The following GFM1 variants were observed in gnomAD, a reference collection of about 807,000 sequenced individuals.
GFM1 encodes the protein elongation factor G, mitochondrial.
GFM1 carries 62 observed loss-of-function variants against 96.2 expected under a neutral mutation model. That is an observed-to-expected ratio of 0.64 (90% CI 0.53 to 0.80). The LOEUF is 0.80. GFM1 is among the 30% of genes least tolerant of loss of function. GFM1 has a pLI of 0.00. For missense variants in GFM1, 852 were observed against 916.6 expected, an observed-to-expected ratio of 0.93 and a Z score of 0.91; for synonymous variants, 282 against 312.9, an observed-to-expected ratio of 0.90 and a Z score of 1.04.
chr3:158,682,194 A>G (rs750066827), intron 14 of GFM1, 37 bp downstream of exon 14: 20 of 1,534,310 alleles, frequency 1.3e-5, no homozygotes, highest in South Asian at 8.1e-5. Flanking sequence ...ATTTTTACTT[A>G]CTAAAAACAG....
intron 15 of GFM1, among the ~76,000 whole-genome samples, chr3:158,688,842 A>G (rs569281632): frequency 3.3e-4 from 51 of 152,330 alleles, no homozygotes; most frequent in Middle Eastern, 6.8e-3. Context: ...GGTGTGAGCT[A>G]GGATATGATT....
At chr3:158,690,546 A>G (rs1378595581) in intron 16 of GFM1, 11 of 542,656 alleles carry the variant, frequency 2.0e-5, no homozygotes, top group East Asian at 9.8e-5. Context: ...TCTTAGATGT[A>G]TATTATCTCT....
intron 13 of GFM1, among the ~76,000 whole-genome samples, chr3:158,680,752 T>A (rs1042034287): frequency 6.6e-6 from 1 of 152,178 alleles, no homozygotes; most frequent in Non-Finnish European, 1.5e-5. Flanking sequence ...ATAAGGTGCT[T>A]AACATAAGCC....
intron 8 of GFM1, among the ~76,000 whole-genome samples, chr3:158,658,662 A>G (rs571156607): frequency 6.6e-6 from 1 of 152,218 alleles, no homozygotes; most frequent in South Asian, 2.1e-4. Flanking sequence ...CAACTTAAAA[A>G]TTTTGTTCTA....
At position 158,645,615 on chromosome 3, in the gene GFM1, C is replaced by T. The variant is rs1242505927; in HGVS notation, c.82-14C>T. 2.5e-6 allele frequency: 4 copies of T among 1,605,716 alleles called. No individual in the cohort carries two copies. Among genetic ancestry groups the T allele is most frequent in the East Asian group, 2.2e-5 (1 of 44,802 alleles). ...TAAAAGGTGCATAGAATTGAGCTCT[C>T]GTATTTTTTTCAGGTTAATTGGAAG... On this transcript the variant is annotated splice_polypyrimidine_tract_variant and intron_variant, in intron 1 of 17. Transcript: ENST00000486715.
chr3:158,654,267 G>A (rs1722557072), intron 7 of GFM1, among the ~76,000 whole-genome samples: 1 of 127,484 alleles, frequency 7.8e-6, no homozygotes, highest in South Asian at 2.6e-4. Flanking sequence ...AGGCTGGAGT[G>A]CAGTGGTGCA....
chr3:158,669,265 A>T, intron 13 of GFM1: 1 of 1,219,722 alleles, frequency 8.2e-7, no homozygotes, highest in Middle Eastern at 2.8e-4. Context: ...CTATGGATCT[A>T]TAAAATTTCT....
Position 158,694,123 on chromosome 3 carries a change from T to C in GFM1, c.*2656T>C, listed in dbSNP as rs1342626906. Among the ~76,000 whole-genome samples the C allele has an allele frequency of 1.3e-5, 2 of 152,070 alleles. No individual in the cohort carries two copies. Among genetic ancestry groups the C allele is most frequent in the African/African-American group, 4.8e-5 (2 of 41,400 alleles). On this transcript the variant is annotated 3_prime_UTR_variant, in exon 18 of 18. Transcript: ENST00000486715. ...TAAATCATTCTATTATAAAGACACA[T>C]GCATGCACACATTCATTGCAGAACT...
chr3:158,660,781 A>G, intron 9 of GFM1, 93 bp from the exon 10 acceptor site: 2 of 1,019,538 alleles, frequency 2.0e-6, no homozygotes, highest in South Asian at 1.3e-5. Context: ...GCTTTTTTAT[A>G]TACAATGTGT....
intron 10 of GFM1, among the ~76,000 whole-genome samples, chr3:158,662,388 T>C (rs1309275414): frequency 6.6e-6 from 1 of 152,228 alleles, no homozygotes; most frequent in Non-Finnish European, 1.5e-5. Flanking sequence ...ATACATTCAT[T>C]AATTTTATTT....
At chr3:158,647,844 T>C (rs1345428647) in intron 4 of GFM1, among the ~76,000 whole-genome samples, 2 of 152,220 alleles carry the variant, frequency 1.3e-5, no homozygotes, top group Non-Finnish European at 2.9e-5. Context: ...GGTTCATTCT[T>C]TTCTCCACTC....
intron 4 of GFM1, 124 bp downstream of exon 4, chr3:158,647,071 A>G (rs900680714): frequency 1.1e-5 from 9 of 791,274 alleles, no homozygotes; most frequent in African/African-American, 1.7e-5. Context: ...AAATATATTT[A>G]TGTGAGTTAG....
In GFM1 at chr3:158,653,366, C is replaced by T. The variant is rs763546447; in HGVS notation, c.897C>T (p.Ser299=). ...CATTTACTCCTGTATTTTTGGGAAG[C>T]GCCTTGAAGAACAAAGGAGTTCAGC... The part of the protein sequence containing the change: ...KRSFTPVFLG[S]ALKNKGVQPL... Residue 299 remains serine (S), a synonymous_variant, in exon 7 of 18, where the codon AGC becomes AGT. Coordinates refer to ENST00000486715, the MANE Select transcript of GFM1 (RefSeq NM_024996.7). The T allele has an allele frequency of 1.1e-5, 18 of 1,613,040 alleles. No homozygotes were observed. Among genetic ancestry groups the T allele is most frequent in the South Asian group, 8.8e-5 (8 of 91,028 alleles).
chr3:158,691,677 G>A lies in GFM1; in HGVS notation c.*210G>A. Reference sequence around the variant, plus strand: ...ATTCTATGTCTATCTCAACTCTATTGATTGGTTTTATAGTTCATTGAAAAT... The same window carrying A: ...ATTCTATGTCTATCTCAACTCTATTAATTGGTTTTATAGTTCATTGAAAAT... On this transcript the variant is annotated 3_prime_UTR_variant, in exon 18 of 18. Coordinates refer to ENST00000486715, the MANE Select transcript of GFM1 (RefSeq NM_024996.7). 2.0e-6 allele frequency: 1 copy of A among 493,716 alleles called. No individual in the cohort carries two copies. The highest frequency in any genetic ancestry group is 3.6e-6 in the Non-Finnish European group (1 of 274,810). The allele number at this position is 493,716 out of a possible 1,614,324, so 30.6% of individuals were successfully genotyped here. A position where few individuals can be genotyped will look rare whatever the true frequency, so the allele number is the denominator to read the frequency against.
intron 9 of GFM1, 63 bp downstream of exon 9, chr3:158,659,122 G>T: frequency 1.3e-6 from 2 of 1,559,364 alleles, no homozygotes; most frequent in South Asian, 1.1e-5. Flanking sequence ...GACCCTTCTT[G>T]GTATCCTGAG....
chr3:158,686,253 GATAT>G (rs1047463176), intron 15 of GFM1, among the ~76,000 whole-genome samples: 30 of 146,140 alleles, frequency 2.1e-4, no homozygotes, highest in African/African-American at 7.2e-4. Context: ...TATAATATAT[GATAT>G]ATAAAGTATA....
chr3:158,669,037 T>G (rs751160686), intron 13 of GFM1: 1 of 1,613,624 alleles, frequency 6.2e-7, no homozygotes, highest in East Asian at 2.2e-5. Flanking sequence ...TTATACCATG[T>G]GTCTTCAGTA....
At chr3:158,668,201 T>G (rs1723901694) in intron 13 of GFM1, among the ~76,000 whole-genome samples, 1 of 152,210 alleles carries the variant, frequency 6.6e-6, no homozygotes, top group South Asian at 2.1e-4. Context: ...GTCTCTGACA[T>G]AAAACAGTGT....
rs576311105 is a variant in GFM1, at chr3:158,668,603, T to C, written c.1601+2217T>C. ...GAGCTATGATTACCGTGATGCTTTT[T>C]GAAAGTGCAGTCTAGATACTGTGTA... On this transcript the variant is annotated intron_variant, in intron 13 of 17. Coordinates refer to ENST00000486715, the MANE Select transcript of GFM1 (RefSeq NM_024996.7). Among the ~76,000 whole-genome samples, 5 of 152,360 alleles carry C rather than the reference T, an allele frequency of 3.3e-5. No homozygotes were observed. The South Asian group carries it at 1.0e-3, about 32-fold the overall frequency.
Sources: gnomAD v4.1 joint callset for allele counts (sites outside exome capture counted in the v4.1 genomes callset) on GRCh38, gnomAD v4.1.1 for gene constraint, MANE v1.5 for transcripts, NCBI Gene and HGNC (gene_info 2026-07-23, HGNC 2026-07-21) for gene names.